ABCA8: variants seen among roughly 807,000 people sequenced by gnomAD.
ABCA8 encodes the protein ATP binding cassette subfamily A member 8, also known as ABC-type organic anion transporter ABCA8.
ABCA8 carries 177 observed loss-of-function variants against 192.3 expected under a neutral mutation model. The ratio of observed to expected loss-of-function variants is 0.92; its 90% confidence interval spans 0.81 to 1.04. The LOEUF (loss-of-function observed/expected upper bound fraction) is 1.04, where lower values mean the gene tolerates loss of function less well. ABCA8 is among the 50% of genes least tolerant of loss of function. ABCA8 has a pLI of 0.00. For missense variants in ABCA8, 1,915 were observed against 1,904.8 expected (o/e 1.01, Z -0.10); for synonymous variants, 642 against 690.2 (o/e 0.93, Z 1.09).
At chr17:68,919,043 C>T (rs1276718639) in intron 14 of ABCA8, among the ~76,000 whole-genome samples, 1 of 151,178 alleles carries the variant, frequency 6.6e-6, no homozygotes, top group East Asian at 1.9e-4. Flanking sequence ...TCTTGAACCA[C>T]ATGTATAAAA....
At chr17:68,932,252 T>C (rs763248169) in intron 7 of ABCA8, 36 bp downstream of exon 7, 54 of 1,497,344 alleles carry the variant, frequency 3.6e-5, no homozygotes, top group Non-Finnish European at 4.8e-5. Context: ...TTTCCTGAGT[T>C]CCTCCGTTTA....
Position 68,932,369 on chromosome 17 carries a change from T to C in ABCA8, c.716A>G (p.Tyr239Cys), listed in dbSNP as rs914829800. ...CTCTCTTGTGACATTAACAGATGCA[T>C]AGTAAATGAATGAGGAAAATGAAAT... The part of the protein sequence containing the change: ...CIISFSSFIY[Y>C]ASVNVTRERK... Residue 239 changes from tyrosine to cysteine, a missense_variant, in exon 7 of 40, where the codon TAT (tyrosine) becomes TGT (cysteine). By Grantham distance (194) the Tyr-to-Cys change is radical (BLOSUM62 -2). Coordinates refer to ENST00000586539, the MANE Select transcript of ABCA8 (RefSeq NM_001288985.2). 5.6e-6 allele frequency: 9 copies of C among 1,613,834 alleles called. No individual in the cohort carries two copies. Among genetic ancestry groups the C allele is most frequent in the Admixed American group, 1.7e-5 (1 of 59,996 alleles).
At chr17:68,906,609 T>C (rs935135608) in intron 18 of ABCA8, among the ~76,000 whole-genome samples, 5 of 152,140 alleles carry the variant, frequency 3.3e-5, no homozygotes, top group African/African-American at 4.8e-5. Context: ...TAGAATCTTC[T>C]GTAGTTTAGA....
chr17:68,938,586 A>T (rs2068139004), intron 4 of ABCA8, among the ~76,000 whole-genome samples: 2 of 152,164 alleles, frequency 1.3e-5, no homozygotes, highest in Non-Finnish European at 2.9e-5. Context: ...AAAAATTGGG[A>T]TGTAATTCAC....
At chr17:68,889,714 A>AC (rs1015088163) in intron 24 of ABCA8, among the ~76,000 whole-genome samples, 2 of 151,904 alleles carry the variant, frequency 1.3e-5, no homozygotes, top group East Asian at 1.9e-4. Flanking sequence ...GTTACAAGTG[A>AC]CCCCCCACAC....
chr17:68,946,855 C>T (rs1294332796), intron 2 of ABCA8, among the ~76,000 whole-genome samples: 1 of 152,016 alleles, frequency 6.6e-6, no homozygotes, highest in Non-Finnish European at 1.5e-5. Flanking sequence ...GCAGGGGAAT[C>T]GCTTGAACCC....
chr17:68,948,641 G>A (rs890398315), intron 2 of ABCA8, among the ~76,000 whole-genome samples: 9 of 152,138 alleles, frequency 5.9e-5, no homozygotes, highest in African/African-American at 2.2e-4. Context: ...CTAGACATTA[G>A]CCCTTTGTCA....
At chr17:68,880,271 T>A (rs2066303090) in intron 32 of ABCA8, 1 of 152,026 alleles carries the variant, frequency 6.6e-6, no homozygotes, top group Non-Finnish European at 1.5e-5. Context: ...TGGACACTCA[T>A]CGAGATGACC....
intron 1 of ABCA8, among the ~76,000 whole-genome samples, chr17:68,952,102 T>C (rs12103819): frequency 0.067 from 10,180 of 152,290 alleles, 1,134 homozygotes; most frequent in African/African-American, 0.23. Flanking sequence ...TAAGAAACTA[T>C]AACTTATTTT....
intron 11 of ABCA8, among the ~76,000 whole-genome samples, chr17:68,923,092 A>G (rs987510515): frequency 4.6e-5 from 7 of 152,188 alleles, no homozygotes; most frequent in Admixed American, 4.6e-4. Flanking sequence ...CCAGGTAAGT[A>G]TATAATCCAT....
At chr17:68,873,276 T>C (rs1257799020) in intron 37 of ABCA8, among the ~76,000 whole-genome samples, 2 of 152,252 alleles carry the variant, frequency 1.3e-5, no homozygotes, top group African/African-American at 4.8e-5. Context: ...TGTACAGGTT[T>C]GTAGCCTAGG....
intron 11 of ABCA8, 67 bp from the exon 12 acceptor site, chr17:68,922,367 C>G (rs1056442503): frequency 1.7e-5 from 18 of 1,089,998 alleles, no homozygotes; most frequent in Non-Finnish European, 2.3e-5. Flanking sequence ...GTTTGGTAGA[C>G]AGGATTGGAT....
chr17:68,938,723 T>C (rs1480214851), intron 4 of ABCA8, among the ~76,000 whole-genome samples: 2 of 152,116 alleles, frequency 1.3e-5, no homozygotes, highest in African/African-American at 4.8e-5. Context: ...TCAAATTAAA[T>C]CTCACTTTAC....
At chr17:68,945,522 C>G (rs962917311) in intron 2 of ABCA8, among the ~76,000 whole-genome samples, 5 of 152,204 alleles carry the variant, frequency 3.3e-5, no homozygotes, top group Middle Eastern at 3.4e-3. Flanking sequence ...AAAGCACTTT[C>G]CTTTTCAGAA....
At chr17:68,922,416 A>ATGTATC in intron 11 of ABCA8, 116 bp from the exon 12 acceptor site, 1 of 704,426 alleles carries the variant, frequency 1.4e-6, no homozygotes, top group Non-Finnish European at 2.2e-6. Flanking sequence ...CTGGGTCTTC[A>ATGTATC]CTCTCACACA....
intron 2 of ABCA8, among the ~76,000 whole-genome samples, chr17:68,947,660 G>C (rs1337603123): frequency 6.6e-6 from 1 of 152,068 alleles, no homozygotes; most frequent in Non-Finnish European, 1.5e-5. Context: ...CAAGTTGTCT[G>C]TTTCAACTTG....
In ABCA8 at chr17:68,883,616, A is replaced by T. The variant is rs563371315; in HGVS notation, c.3707+175T>A. Among the ~76,000 whole-genome samples the T allele has an allele frequency of 4.6e-5, 7 of 152,254 alleles. No homozygotes were observed. In the South Asian group the frequency reaches 1.4e-3, roughly 32 times the overall value. ...GTTTCAGGTCCGTTTCTTCCACTAG[A>T]TCATAATCTTCTTGGGTTTAGGTAT... is the stretch of plus-strand genomic sequence containing the variant. On this transcript the variant is annotated intron_variant, in intron 29 of 39. Coordinates refer to ENST00000586539, the MANE Select transcript of ABCA8 (RefSeq NM_001288985.2).
intron 29 of ABCA8, among the ~76,000 whole-genome samples, chr17:68,883,348 G>A (rs2066380824): frequency 1.3e-5 from 2 of 152,186 alleles, no homozygotes; most frequent in Admixed American, 1.3e-4. Context: ...GCCGAAAATA[G>A]TCTCAGCTTT....
chr17:68,895,010 G>GC lies in ABCA8; in HGVS notation c.2767dup (p.Ala923GlyfsTer4). ...AGACTGTATAAAGTCATCAATGCTT[G>GC]CCCCTAAGGTGTAGTTAAAGATATT... On this transcript the variant is annotated frameshift_variant, in exon 22 of 40. Transcript: ENST00000586539. LOFTEE classifies it high-confidence loss of function. The GC allele has an allele frequency of 6.3e-7, 1 of 1,598,676 alleles. No individual in the cohort carries two copies.
Sources: gnomAD v4.1 joint callset for allele counts (sites outside exome capture counted in the v4.1 genomes callset) on GRCh38, gnomAD v4.1.1 for gene constraint, MANE v1.5 for transcripts, NCBI Gene and HGNC (gene_info 2026-07-23, HGNC 2026-07-21) for gene names.